SLC39A12: variants seen among roughly 807,000 people sequenced by gnomAD.
SLC39A12 encodes the protein zinc transporter ZIP12.
In SLC39A12, 63 loss-of-function variants were observed where a neutral mutation model predicts 71.1. The ratio of observed to expected loss-of-function variants is 0.89; its 90% confidence interval spans 0.72 to 1.09. The LOEUF (loss-of-function observed/expected upper bound fraction) is 1.09, where lower values mean the gene tolerates loss of function less well. Ranked by LOEUF, SLC39A12 falls within the 50% of genes least tolerant of loss-of-function variation. The pLI, the probability that SLC39A12 is intolerant of heterozygous loss-of-function variation, is 0.00. For synonymous variants in SLC39A12, 351 were observed against 301.3 expected, an observed-to-expected ratio of 1.16 and a Z score of -1.71; for missense variants, 892 against 812.6, an observed-to-expected ratio of 1.10 and a Z score of -1.19.
At position 17,953,311 on chromosome 10, in the gene SLC39A12, T is replaced by A; in HGVS notation, c.35T>A (p.Val12Glu). The A allele has an allele frequency of 6.2e-7, 1 of 1,614,154 alleles. No homozygotes were observed. Among genetic ancestry groups the A allele is most frequent in the Non-Finnish European group, 8.5e-7 (1 of 1,180,036 alleles). The change falls in exon 2 of 13, where the codon GTG becomes GAG. Residue 12 changes from valine to glutamate, a missense_variant. Physicochemically the swap from Val to Glu is moderately radical, Grantham distance 121 (BLOSUM62 -2). Transcript: ENST00000377369. Reference sequence around the variant, plus strand: ...CGGACAAAGCTCTCAGTATCCTGGGTGCCATTGTTTCTTCTACTCAGCCGT... The same window carrying A: ...CGGACAAAGCTCTCAGTATCCTGGGAGCCATTGTTTCTTCTACTCAGCCGT... Reference protein sequence around the residue: ...CFRTKLSVSWVPLFLLLSRVF... With the variant: ...CFRTKLSVSWEPLFLLLSRVF...
intron 12 of SLC39A12, among the ~76,000 whole-genome samples, chr10:18,036,987 A>G (rs891408735): frequency 5.3e-5 from 8 of 151,400 alleles, no homozygotes; most frequent in African/African-American, 1.9e-4. Flanking sequence ...GCGTTTCACC[A>G]TATTGGCCAG....
At chr10:17,997,033 A>AAAG (rs1554852102) in intron 10 of SLC39A12, among the ~76,000 whole-genome samples, 8 of 151,432 alleles carry the variant, frequency 5.3e-5, no homozygotes, top group East Asian at 1.9e-4. Flanking sequence ...AAAAAAAAAA[A>AAAG]AAAAGAAAAA....
chr10:17,984,081 T>G (rs1835341641), intron 6 of SLC39A12, among the ~76,000 whole-genome samples: 1 of 152,214 alleles, frequency 6.6e-6, no homozygotes, highest in Non-Finnish European at 1.5e-5. Context: ...GCTAAGAATT[T>G]AGTGGCTAGG....
In SLC39A12 at chr10:17,953,306, C is replaced by A. The variant is rs1554847336; in HGVS notation, c.30C>A (p.Ser10=). The change falls in exon 2 of 13, where the codon TCC becomes TCA. Residue 10 remains serine, a synonymous_variant. Coordinates refer to ENST00000377369, the MANE Select transcript of SLC39A12 (RefSeq NM_001145195.2). The stretch of plus-strand genomic sequence containing the variant: ...GCTTCCGGACAAAGCTCTCAGTATC[C>A]TGGGTGCCATTGTTTCTTCTACTCA... MCFRTKLSV[S]WVPLFLLLSR... 1.9e-6 allele frequency: 3 copies of A among 1,614,178 alleles called. No individual in the cohort carries two copies. The African/African-American group carries it at 4.0e-5, about 22-fold the overall frequency.
intron 4 of SLC39A12, among the ~76,000 whole-genome samples, chr10:17,966,935 C>T (rs1358148020): frequency 1.3e-5 from 2 of 151,842 alleles, no homozygotes; most frequent in Non-Finnish European, 2.9e-5. Context: ...GATTGCGCCA[C>T]TGCACTCCAC....
intron 10 of SLC39A12, 99 bp from the exon 11 acceptor site, chr10:18,000,567 GA>G: frequency 9.2e-7 from 1 of 1,088,214 alleles, no homozygotes; most frequent in East Asian, 2.4e-5. Context: ...TGGAATATAA[GA>G]ATGTCAAGTG....
At chr10:18,037,944 C>T (rs1198628489) in intron 12 of SLC39A12, among the ~76,000 whole-genome samples, 6 of 133,722 alleles carry the variant, frequency 4.5e-5, no homozygotes, top group Non-Finnish European at 6.1e-5. Context: ...TGTTTGAACC[C>T]GGGAGGTGGA....
At chr10:18,032,634 C>A (rs921788590) in intron 12 of SLC39A12, among the ~76,000 whole-genome samples, 6 of 150,086 alleles carry the variant, frequency 4.0e-5, no homozygotes, top group African/African-American at 1.5e-4. Context: ...AATTGAATAC[C>A]CTTTATTTCC....
chr10:18,006,318 A>C (rs568985514), intron 12 of SLC39A12, among the ~76,000 whole-genome samples: 2 of 152,234 alleles, frequency 1.3e-5, no homozygotes, highest in Admixed American at 6.5e-5. Context: ...GAAAAGTGCC[A>C]AACTTAATTC....
intron 4 of SLC39A12, among the ~76,000 whole-genome samples, chr10:17,968,650 T>A (rs1413303291): frequency 2.0e-5 from 3 of 152,124 alleles, no homozygotes; most frequent in Non-Finnish European, 2.9e-5. Flanking sequence ...TTCTTTTTCT[T>A]TTTTCAAATT....
intron 7 of SLC39A12, among the ~76,000 whole-genome samples, chr10:17,989,765 A>G (rs187205421): frequency 6.6e-6 from 1 of 152,196 alleles, no homozygotes; most frequent in East Asian, 1.9e-4. Context: ...CTAAAAATCA[A>G]AAACTAGCCG....
At chr10:18,042,350 G>A (rs934337329) in intron 12 of SLC39A12, among the ~76,000 whole-genome samples, 10 of 151,208 alleles carry the variant, frequency 6.6e-5, no homozygotes, top group African/African-American at 1.5e-4. Context: ...GCAATGGCAC[G>A]CACCTGGAAG....
At chr10:17,953,916 G>A (rs1029067294) in intron 2 of SLC39A12, among the ~76,000 whole-genome samples, 3 of 152,178 alleles carry the variant, frequency 2.0e-5, no homozygotes, top group Non-Finnish European at 2.9e-5. Context: ...AGCATAATGC[G>A]ATCTGATATT....
intron 12 of SLC39A12, among the ~76,000 whole-genome samples, chr10:18,039,664 G>T (rs1837165414): frequency 6.6e-6 from 1 of 152,106 alleles, no homozygotes; most frequent in South Asian, 2.1e-4. Flanking sequence ...GGAGTTCACG[G>T]CTACAGTGAG....
Position 17,993,053 on chromosome 10 carries a change from C to T in SLC39A12, c.1423-128C>T, listed in dbSNP as rs148217939. 1,612 of 557,672 alleles carry T rather than the reference C, an allele frequency of 2.9e-3. 20 individuals carry two copies. The highest frequency in any genetic ancestry group is 0.027 in the African/African-American group (1,417 of 51,756). The allele number at this position is 557,672 out of a possible 1,614,324, so 34.5% of individuals were successfully genotyped here. ...TTGAAGTTGCATTCCATTCTTAAAG[C>T]ATCCCAGTTCTCTTTTGTGGCAACT... On this transcript the variant is annotated intron_variant, in intron 8 of 12. Coordinates refer to ENST00000377369, the MANE Select transcript of SLC39A12 (RefSeq NM_001145195.2).
At chr10:17,987,437 G>T (rs749919546) in intron 6 of SLC39A12, 42 bp from the exon 7 acceptor site, 41 of 1,595,830 alleles carry the variant, frequency 2.6e-5, no homozygotes, top group Admixed American at 3.4e-5. Context: ...CGGAATGGAG[G>T]GCACTGGGCA....
chr10:17,983,188 A>G (rs925885233), intron 6 of SLC39A12, among the ~76,000 whole-genome samples: 25 of 148,518 alleles, frequency 1.7e-4, no homozygotes, highest in African/African-American at 5.1e-5. Context: ...AAAAAAAAAA[A>G]AAAAAAAAAG....
intron 11 of SLC39A12, 69 bp from the exon 12 acceptor site, chr10:18,003,102 G>T: frequency 1.4e-6 from 2 of 1,423,808 alleles, no homozygotes; most frequent in Middle Eastern, 3.6e-4. Context: ...ATAGCTAATA[G>T]TGCGTTACTT....
At chr10:17,964,956 C>T (rs976929720) in intron 3 of SLC39A12, among the ~76,000 whole-genome samples, 1 of 152,186 alleles carries the variant, frequency 6.6e-6, no homozygotes. Flanking sequence ...CCTGTAATCC[C>T]GGCACTTTGG....
Sources: allele counts gnomAD v4.1 joint callset (sites outside exome capture counted in the v4.1 genomes callset), GRCh38; gene constraint gnomAD v4.1.1; transcripts MANE v1.5; gene names NCBI Gene and HGNC (gene_info 2026-07-23, HGNC 2026-07-21).